R3HDM1: variants seen among roughly 807,000 people sequenced by gnomAD.
R3HDM1 encodes R3H domain containing 1, also known as R3H domain-containing protein 1.
R3HDM1 carries 46 observed loss-of-function variants against 141.1 expected under a neutral mutation model. The observed-to-expected ratio is 0.33, with a 90% confidence interval of 0.26 to 0.42. The LOEUF (loss-of-function observed/expected upper bound fraction) is 0.42. R3HDM1 is among the 10% of genes least tolerant of loss of function. The probability of loss-of-function intolerance (pLI) is 1.00; values close to 1 mark genes in which losing one functional copy is unlikely to be tolerated. For missense variants in R3HDM1, 1,184 were observed against 1,368.3 expected, an observed-to-expected ratio of 0.87 and a Z score of 2.12; for synonymous variants, 435 against 472.9, an observed-to-expected ratio of 0.92 and a Z score of 1.04.
intron 1 of R3HDM1, among the ~76,000 whole-genome samples, chr2:135,541,198 C>T (rs959453270): frequency 6.6e-6 from 1 of 151,902 alleles, no homozygotes; most frequent in African/African-American, 2.4e-5. Flanking sequence ...TAAGTATCTG[C>T]ATTAGCTTCT....
At chr2:135,542,021 AATTT>A (rs1159167509) in intron 1 of R3HDM1, among the ~76,000 whole-genome samples, 2 of 152,106 alleles carry the variant, frequency 1.3e-5, no homozygotes, top group Non-Finnish European at 2.9e-5. Context: ...TTAAACAGGA[AATTT>A]ATTTGTTTCA....
intron 20 of R3HDM1, among the ~76,000 whole-genome samples, chr2:135,676,308 C>A (rs576062705): frequency 1.3e-5 from 2 of 152,194 alleles, no homozygotes; most frequent in South Asian, 4.1e-4. Flanking sequence ...CAGGCAGACT[C>A]CATCTCAAAA....
rs774081274 is a variant in R3HDM1, at chr2:135,675,325, A to G, written c.2153-7A>G. 1.2e-6 allele frequency: 2 copies of G among 1,612,870 alleles called. No homozygotes were observed. Among genetic ancestry groups the G allele is most frequent in the African/African-American group, 1.3e-5 (1 of 74,878 alleles). On this transcript the variant is annotated splice_region_variant and splice_polypyrimidine_tract_variant and intron_variant, in intron 19 of 26. Coordinates refer to ENST00000683871, the MANE Select transcript of R3HDM1 (RefSeq NM_001378107.1). ...AGAGCAGGATTTAACTCATTGTACC[A>G]TTACAGGTTATCAAGTTATACCCAA...
chr2:135,670,498 T>C (rs2068176585), intron 19 of R3HDM1: 1 of 737,936 alleles, frequency 1.4e-6, no homozygotes, highest in Middle Eastern at 6.9e-4. Context: ...ATTGATAAGA[T>C]GTGGAAGCAT....
intron 1 of R3HDM1, among the ~76,000 whole-genome samples, chr2:135,563,992 G>A (rs562392099): frequency 5.3e-5 from 8 of 152,146 alleles, no homozygotes; most frequent in African/African-American, 1.7e-4. Context: ...GTGGGGAGGC[G>A]CCGCATGAAT....
chr2:135,541,889 A>G (rs1436534116), intron 1 of R3HDM1, among the ~76,000 whole-genome samples: 1 of 151,770 alleles, frequency 6.6e-6, no homozygotes, highest in South Asian at 2.1e-4. Flanking sequence ...AGAAAGAGAA[A>G]AGCAATGTCT....
chr2:135,599,552 G>A (rs951253379), intron 1 of R3HDM1, among the ~76,000 whole-genome samples: 1 of 152,136 alleles, frequency 6.6e-6, no homozygotes, highest in African/African-American at 2.4e-5. Flanking sequence ...GAGACATGAT[G>A]TGCCATGTCT....
Position 135,581,292 on chromosome 2 carries a change from A to T in R3HDM1, c.-249-21208A>T, listed in dbSNP as rs533712831. 10 of 985,422 alleles carry T rather than the reference A, an allele frequency of 1.0e-5. No individual in the cohort carries two copies. The African/African-American group carries it at 1.4e-4, about 14-fold the overall frequency. 61.0% of individuals were successfully genotyped at this position (985,422 alleles called of 1,614,324 possible). A position where few individuals can be genotyped will look rare whatever the true frequency, so the allele number is the denominator to read the frequency against. ...CTGTCCTGTTTCCCTGTAGATCCAC[A>T]GTAGGGGAACTCTCATGCGTCCTTC... On this transcript the variant is annotated intron_variant, in intron 1 of 26. Coordinates refer to ENST00000683871, the MANE Select transcript of R3HDM1 (RefSeq NM_001378107.1).
intron 1 of R3HDM1, among the ~76,000 whole-genome samples, chr2:135,544,246 T>C (rs190202990): frequency 1.3e-5 from 2 of 152,352 alleles, no homozygotes; most frequent in East Asian, 3.9e-4. Flanking sequence ...GAGGTTGGAA[T>C]TTTAAATATA....
At chr2:135,650,264 C>T (rs2065010038) in intron 17 of R3HDM1, 5 of 985,098 alleles carry the variant, frequency 5.1e-6, no homozygotes, top group Non-Finnish European at 6.0e-6. Flanking sequence ...TATTCTAGTC[C>T]TAAGATGTTT....
At chr2:135,597,688 G>A (rs1436905573) in intron 1 of R3HDM1, among the ~76,000 whole-genome samples, 3 of 152,118 alleles carry the variant, frequency 2.0e-5, no homozygotes, top group Admixed American at 6.5e-5. Flanking sequence ...TGATAAGGAA[G>A]CAACAACCCT....
intron 1 of R3HDM1, among the ~76,000 whole-genome samples, chr2:135,596,679 C>T (rs1420477118): frequency 6.6e-6 from 1 of 152,124 alleles, no homozygotes; most frequent in Non-Finnish European, 1.5e-5. Context: ...TTCTGACATT[C>T]TTCTTTGGAC....
At chr2:135,622,166 C>T (rs931973105) in intron 6 of R3HDM1, 1 of 984,680 alleles carries the variant, frequency 1.0e-6, no homozygotes, top group Admixed American at 6.2e-5. Context: ...ATTTTGAAAG[C>T]AAGCCTGTAG....
At position 135,631,948 on chromosome 2, in the gene R3HDM1, T is replaced by C. The variant is rs754723832; in HGVS notation, c.645T>C (p.Asn215=). 2 of 1,612,742 alleles carry C rather than the reference T, an allele frequency of 1.2e-6. No homozygotes were observed. Among genetic ancestry groups the C allele is most frequent in the East Asian group, 2.2e-5 (1 of 44,806 alleles). The change falls in exon 9 of 27, where the codon AAT becomes AAC. Residue 215 remains asparagine (N), a synonymous_variant. Coordinates refer to ENST00000683871, the MANE Select transcript of R3HDM1 (RefSeq NM_001378107.1). ...RVAAYFGLDH[N]VDQSGKSVIV... is the part of the protein sequence containing the mutation. ...CCGCTTACTTTGGATTAGACCACAA[T>C]GTTGATCAGAGTGGGAAGTCTGTCA... is the stretch of plus-strand genomic sequence containing the variant.
rs769657349 is a variant in R3HDM1, at chr2:135,651,734, A to G, written c.1730A>G (p.Asp577Gly). The G allele has an allele frequency of 6.3e-7, 1 of 1,599,580 alleles. No homozygotes were observed. The highest frequency in any genetic ancestry group is 1.1e-5 in the South Asian group (1 of 89,710). The change falls in exon 18 of 27, where the codon GAT becomes GGT. Residue 577 changes from aspartate (D) to glycine (G), a missense_variant. Physicochemically the swap from Asp to Gly is moderately conservative, Grantham distance 94. Coordinates refer to ENST00000683871, the MANE Select transcript of R3HDM1 (RefSeq NM_001378107.1). ...TTTGACTTCTTCCTTTTTTAGCAGG[A>G]TAACCTAGGGTCTCAGTTTAGCCAC... ...VSPTQQYSVQ[D>G]NLGSQFSHMS... is the part of the protein sequence containing the mutation.
chr2:135,536,803 TCAC>T, intron 1 of R3HDM1: 1 of 753,168 alleles, frequency 1.3e-6, no homozygotes, highest in Non-Finnish European at 1.6e-6. Context: ...CCGGTGAACA[TCAC>T]CACCTGAGCT....
chr2:135,556,675 C>T (rs1573758017), intron 1 of R3HDM1, among the ~76,000 whole-genome samples: 7 of 152,024 alleles, frequency 4.6e-5, no homozygotes, highest in Admixed American at 4.6e-4. Flanking sequence ...CCCACCACCA[C>T]ACCCGGCTAA....
In R3HDM1 at chr2:135,710,077, C is replaced by G. The variant is rs1432987477; in HGVS notation, c.2582C>G (p.Pro861Arg). The stretch of plus-strand genomic sequence containing the variant: ...TTTTCAGCTGGACCACCACCGCCAC[C>G]TGGTGGGGGGATGGTGATGATGCAG... ...HQCTAGPPPP[P>R]GGGMVMMQLS... The change falls in exon 23 of 27, where the codon CCT becomes CGT. Residue 861 changes from proline (P) to arginine (R), a missense_variant. Physicochemically the swap from Pro to Arg is moderately radical, Grantham distance 103 (BLOSUM62 -2). Coordinates refer to ENST00000683871, the MANE Select transcript of R3HDM1 (RefSeq NM_001378107.1). 1 of 1,613,510 alleles carries G rather than the reference C, an allele frequency of 6.2e-7. No homozygotes were observed. Among genetic ancestry groups the G allele is most frequent in the Non-Finnish European group, 8.5e-7 (1 of 1,179,844 alleles).
At chr2:135,703,311 A>G (rs1258926646) in intron 21 of R3HDM1, among the ~76,000 whole-genome samples, 1 of 152,202 alleles carries the variant, frequency 6.6e-6, no homozygotes, top group Non-Finnish European at 1.5e-5. Context: ...TTTCCAGCCC[A>G]GCTTCTAAGT....
Sources: gnomAD v4.1 joint callset for allele counts (sites outside exome capture counted in the v4.1 genomes callset) on GRCh38, gnomAD v4.1.1 for gene constraint, MANE v1.5 for transcripts, NCBI Gene and HGNC (gene_info 2026-07-23, HGNC 2026-07-21) for gene names.